The following CTNNA2 variants were observed in gnomAD, a reference collection of about 807,000 sequenced individuals.
The protein encoded by CTNNA2 is catenin alpha 2.
In CTNNA2, 42 loss-of-function variants were observed where a neutral mutation model predicts 101.0. The observed-to-expected ratio is 0.42, with a 90% CI of 0.32 to 0.54. CTNNA2 has a LOEUF of 0.54. CTNNA2 is among the 20% of genes least tolerant of loss of function. The pLI, the probability that CTNNA2 is intolerant of heterozygous loss-of-function variation, is 0.14. For missense variants in CTNNA2, 871 were observed against 1,223.1 expected (o/e 0.71, Z 4.29); for synonymous variants, 450 against 456.4 (o/e 0.99, Z 0.18).
intron 3 of CTNNA2, among the ~76,000 whole-genome samples, chr2:79,323,965 A>G (rs1486956163): frequency 6.6e-6 from 1 of 152,196 alleles, no homozygotes; most frequent in Non-Finnish European, 1.5e-5. Context: ...AATACAGAGA[A>G]GAGGAAAGTA....
intron 7 of CTNNA2, among the ~76,000 whole-genome samples, chr2:80,269,294 T>C (rs1673265204): frequency 6.6e-6 from 1 of 152,162 alleles, no homozygotes; most frequent in African/African-American, 2.4e-5. Context: ...TTGGATGGTT[T>C]TATAAGGGGC....
chr2:80,371,762 G>A (rs1353887172), intron 7 of CTNNA2, among the ~76,000 whole-genome samples: 1 of 152,140 alleles, frequency 6.6e-6, no homozygotes, highest in Admixed American at 6.5e-5. Context: ...GAGGTGGAAG[G>A]TAAGGTTGGA....
At chr2:79,663,155 C>T (rs1682157734) in intron 2 of CTNNA2, among the ~76,000 whole-genome samples, 1 of 152,122 alleles carries the variant, frequency 6.6e-6, no homozygotes. Context: ...CTCAGATCTG[C>T]CACTTTCCAA....
At chr2:80,061,316 A>G (rs1697585571) in intron 7 of CTNNA2, among the ~76,000 whole-genome samples, 1 of 152,230 alleles carries the variant, frequency 6.6e-6, no homozygotes, top group Non-Finnish European at 1.5e-5. Context: ...GACAAAAAGA[A>G]TGAGACAAAA....
intron 9 of CTNNA2, among the ~76,000 whole-genome samples, chr2:80,502,138 T>G (rs549063312): frequency 1.7e-3 from 266 of 152,270 alleles, no homozygotes; most frequent in Non-Finnish European, 2.5e-3. Flanking sequence ...TCCCTAAATA[T>G]ATACACATTA....
Position 79,842,060 on chromosome 2 carries a change from A to G in CTNNA2, c.299-15953A>G, listed in dbSNP as rs547321229. ...AATAGTGTTTCAGTTCTTTCAAATTATGGTTCATGAAAACATCATTTTAGT... is the reference window on the plus strand; with the variant it reads ...AATAGTGTTTCAGTTCTTTCAAATTGTGGTTCATGAAAACATCATTTTAGT... On this transcript the variant is annotated intron_variant, in intron 3 of 18. Transcript: ENST00000402739. 4.6e-5 allele frequency among the ~76,000 whole-genome samples: 7 copies of G among 152,300 alleles called. No individual in the cohort carries two copies. The South Asian group carries it at 1.5e-3, about 32-fold the overall frequency.
intron 15 of CTNNA2, among the ~76,000 whole-genome samples, chr2:80,600,687 C>G (rs891028483): frequency 6.6e-6 from 1 of 152,096 alleles, no homozygotes; most frequent in Non-Finnish European, 1.5e-5. Flanking sequence ...AACGTCTAAA[C>G]GACTGAACAT....
chr2:79,863,602 C>T (rs2103983765), intron 4 of CTNNA2, among the ~76,000 whole-genome samples: 1 of 152,270 alleles, frequency 6.6e-6, no homozygotes, highest in Middle Eastern at 3.4e-3. Context: ...TTAAATAATT[C>T]TTAACACTAA....
chr2:80,406,708 T>G (rs1463190316), intron 8 of CTNNA2, among the ~76,000 whole-genome samples: 2 of 150,362 alleles, frequency 1.3e-5, no homozygotes, highest in Non-Finnish European at 3.0e-5. Context: ...GCGCCTGTAG[T>G]CCCAGCTACT....
At chr2:79,990,372 G>A (rs1692084925) in intron 7 of CTNNA2, among the ~76,000 whole-genome samples, 2 of 152,102 alleles carry the variant, frequency 1.3e-5, no homozygotes, top group African/African-American at 4.8e-5. Flanking sequence ...GTTTTCTGTG[G>A]CCCTACTGAT....
intron 4 of CTNNA2, among the ~76,000 whole-genome samples, chr2:79,390,937 T>C (rs1360573437): frequency 6.6e-6 from 1 of 152,038 alleles, no homozygotes; most frequent in East Asian, 1.9e-4. Context: ...ACTTAGTCAA[T>C]GAAAAAGATA....
At chr2:80,173,558 G>A (rs1281718476) in intron 7 of CTNNA2, among the ~76,000 whole-genome samples, 4 of 152,150 alleles carry the variant, frequency 2.6e-5, no homozygotes, top group Admixed American at 1.3e-4. Flanking sequence ...TTAAATGAAG[G>A]GACCTTCTCT....
intron 7 of CTNNA2, among the ~76,000 whole-genome samples, chr2:80,199,778 T>G (rs1707085840): frequency 6.6e-6 from 1 of 152,190 alleles, no homozygotes; most frequent in Non-Finnish European, 1.5e-5. Flanking sequence ...GGAGATTAAA[T>G]GTACTTAAAT....
intron 6 of CTNNA2, among the ~76,000 whole-genome samples, chr2:79,906,372 C>A (rs1685427731): frequency 6.6e-6 from 1 of 152,132 alleles, no homozygotes; most frequent in Non-Finnish European, 1.5e-5. Context: ...CACACACTTA[C>A]ACAGGCCCAC....
chr2:79,699,314 G>A (rs1684838632), intron 2 of CTNNA2, among the ~76,000 whole-genome samples: 1 of 151,958 alleles, frequency 6.6e-6, no homozygotes, highest in Non-Finnish European at 1.5e-5. Context: ...TTCCATTCCT[G>A]ATTCATTAAT....
At chr2:79,665,455 A>G (rs1682348010) in intron 2 of CTNNA2, among the ~76,000 whole-genome samples, 1 of 152,216 alleles carries the variant, frequency 6.6e-6, no homozygotes, top group South Asian at 2.1e-4. Flanking sequence ...GTGATTTAGT[A>G]AATTTCTGTT....
Position 80,006,945 on chromosome 2 carries a change from C to T in CTNNA2, c.1056+97148C>T, listed in dbSNP as rs1693400215. On this transcript the variant is annotated intron_variant, in intron 7 of 18. Transcript: ENST00000402739. ...TATGAAATCTTACCGTTCTTGAGTC[C>T]TATTTCATCAGCATCATACTGAATT... 2.6e-5 allele frequency among the ~76,000 whole-genome samples: 4 copies of T among 152,116 alleles called. No homozygotes were observed. In the South Asian group the frequency reaches 8.3e-4, roughly 32 times the overall value.
chr2:80,490,608 C>T (rs1057203822), intron 9 of CTNNA2, among the ~76,000 whole-genome samples: 2 of 152,050 alleles, frequency 1.3e-5, no homozygotes, highest in East Asian at 3.9e-4. Flanking sequence ...TTGCTGAGCT[C>T]AGTTTTAGAT....
At chr2:79,412,270 A>T (rs903691079) in intron 4 of CTNNA2, among the ~76,000 whole-genome samples, 1 of 152,086 alleles carries the variant, frequency 6.6e-6, no homozygotes, top group African/African-American at 2.4e-5. Context: ...CAACAAAGAG[A>T]CTTAGACTCC....
Sources: gnomAD v4.1 joint callset for allele counts (sites outside exome capture counted in the v4.1 genomes callset) on GRCh38, gnomAD v4.1.1 for gene constraint, MANE v1.5 for transcripts, NCBI Gene and HGNC (gene_info 2026-07-23, HGNC 2026-07-21) for gene names.